Variants in CTNNA3 observed in about 807,000 individuals in gnomAD.
The protein encoded by CTNNA3 is catenin alpha 3, also known as catenin alpha-3.
In CTNNA3, 76 loss-of-function variants were observed where a neutral mutation model predicts 95.7. The ratio of observed to expected loss-of-function variants is 0.79; its 90% CI spans 0.66 to 0.96. The LOEUF is 0.96. Among genes scored for constraint, CTNNA3 ranks in the 40% least tolerant of loss-of-function variants. CTNNA3 has a pLI of 0.00. For synonymous variants in CTNNA3, 431 were observed against 374.4 expected, an observed-to-expected ratio of 1.15 and a Z score of -1.74; for missense variants, 1,191 against 1,089.8, an observed-to-expected ratio of 1.09 and a Z score of -1.31.
chr10:66,944,099 T>A lies in CTNNA3; in HGVS notation c.1048-168575A>T, dbSNP rs574821604. Among the ~76,000 whole-genome samples the A allele has an allele frequency of 2.0e-5, 3 of 152,334 alleles. No homozygotes were observed. In the East Asian group the frequency reaches 5.8e-4, roughly 29 times the overall value. On this transcript the variant is annotated intron_variant, in intron 7 of 17. Transcript: ENST00000433211. ...TTGACTCTTTCATGAAAGATTTCTC[T>A]ATAGCATATGGTGTTGATTGATAGC... is the stretch of plus-strand genomic sequence containing the variant.
intron 11 of CTNNA3, among the ~76,000 whole-genome samples, chr10:66,479,134 G>C (rs944833785): frequency 6.6e-6 from 1 of 151,688 alleles, no homozygotes; most frequent in Non-Finnish European, 1.5e-5. Context: ...ATCATTTATT[G>C]TAAAGCCTAC....
At chr10:66,817,216 G>C (rs1842122365) in intron 7 of CTNNA3, among the ~76,000 whole-genome samples, 2 of 151,432 alleles carry the variant, frequency 1.3e-5, no homozygotes, top group South Asian at 4.2e-4. Context: ...AAAATCTACT[G>C]AAATAAAATA....
At chr10:66,992,043 T>C (rs1426827756) in intron 7 of CTNNA3, among the ~76,000 whole-genome samples, 1 of 152,148 alleles carries the variant, frequency 6.6e-6, no homozygotes, top group Non-Finnish European at 1.5e-5. Context: ...TATGTCTCTT[T>C]GTGAACGTCA....
intron 7 of CTNNA3, among the ~76,000 whole-genome samples, chr10:67,127,261 C>A (rs1432174000): frequency 6.6e-6 from 1 of 152,118 alleles, no homozygotes; most frequent in Non-Finnish European, 1.5e-5. Flanking sequence ...GAGATACTGA[C>A]ATAGTCTGGA....
chr10:65,978,292 T>C (rs1418743335), intron 16 of CTNNA3, among the ~76,000 whole-genome samples: 2 of 152,194 alleles, frequency 1.3e-5, no homozygotes, highest in Middle Eastern at 3.2e-3. Flanking sequence ...TCATTATATA[T>C]GTTGCAGTTC....
chr10:66,065,843 G>GTTA (rs1276250704), intron 15 of CTNNA3, among the ~76,000 whole-genome samples: 1 of 151,672 alleles, frequency 6.6e-6, no homozygotes, highest in Non-Finnish European at 1.5e-5. Flanking sequence ...CACTTACCAA[G>GTTA]TTATTATTAT....
chr10:66,220,356 T>A (rs906911517), intron 13 of CTNNA3, among the ~76,000 whole-genome samples: 2 of 152,156 alleles, frequency 1.3e-5, no homozygotes, highest in African/African-American at 4.8e-5. Flanking sequence ...TTTCTCTGAC[T>A]TGTTTACTCA....
At chr10:67,726,746 T>TAATATATC (rs1564841452) in intron 1 of CTNNA3, among the ~76,000 whole-genome samples, 5 of 102,028 alleles carry the variant, frequency 4.9e-5, no homozygotes, top group Non-Finnish European at 8.7e-5. Context: ...ATATTATATA[T>TAATATATC]GATATATCAT....
chr10:66,843,876 AACC>A (rs1431925797), intron 7 of CTNNA3, among the ~76,000 whole-genome samples: 1 of 152,232 alleles, frequency 6.6e-6, no homozygotes, highest in East Asian at 1.9e-4. Flanking sequence ...TCAGAAACAG[AACC>A]TAAAATATTC....
At chr10:66,872,049 T>C (rs1362895719) in intron 7 of CTNNA3, among the ~76,000 whole-genome samples, 7 of 152,154 alleles carry the variant, frequency 4.6e-5, no homozygotes, top group Admixed American at 3.3e-4. Flanking sequence ...TATAGCCCAA[T>C]GAAAATAGGT....
chr10:65,997,574 T>C (rs887004904), intron 15 of CTNNA3, among the ~76,000 whole-genome samples: 1 of 152,042 alleles, frequency 6.6e-6, no homozygotes, highest in African/African-American at 2.4e-5. Flanking sequence ...AAGAAAGAAA[T>C]TGTCCTATAG....
chr10:67,336,677 T>G (rs1842007313), intron 5 of CTNNA3, among the ~76,000 whole-genome samples: 3 of 152,182 alleles, frequency 2.0e-5, no homozygotes, highest in Admixed American at 2.0e-4. Flanking sequence ...ACAGGTGGAC[T>G]CTCTTGCTGG....
intron 13 of CTNNA3, among the ~76,000 whole-genome samples, chr10:66,147,608 G>GTTTTTTTTTTT (rs34193216): frequency 1.8e-4 from 19 of 105,782 alleles, no homozygotes; most frequent in Non-Finnish European, 2.3e-4. Context: ...GTTGCTTTCA[G>GTTTTTTTTTTT]TTTTTTTTTT....
chr10:66,755,527 TTACA>T (rs1839330025), intron 9 of CTNNA3, among the ~76,000 whole-genome samples: 1 of 152,090 alleles, frequency 6.6e-6, no homozygotes, highest in Admixed American at 6.6e-5. Context: ...TGAGATAATA[TTACA>T]TACATATTAA....
intron 7 of CTNNA3, among the ~76,000 whole-genome samples, chr10:66,966,579 T>G (rs1273539528): frequency 6.6e-6 from 1 of 152,042 alleles, no homozygotes; most frequent in Non-Finnish European, 1.5e-5. Flanking sequence ...TAGCCAACTG[T>G]AGGTCAGTTT....
intron 1 of CTNNA3, among the ~76,000 whole-genome samples, chr10:67,692,073 G>A (rs1016146003): frequency 1.4e-5 from 2 of 146,296 alleles, no homozygotes; most frequent in African/African-American, 5.2e-5. Context: ...GAGGTGGGGG[G>A]GTCAGCCCCC....
intron 14 of CTNNA3, among the ~76,000 whole-genome samples, chr10:66,075,966 T>A (rs1207047865): frequency 6.6e-6 from 1 of 151,760 alleles, no homozygotes; most frequent in Admixed American, 6.6e-5. Context: ...ATTTTGTTAA[T>A]AAATAATCCA....
At chr10:67,599,075 A>G (rs773107436) in intron 3 of CTNNA3, among the ~76,000 whole-genome samples, 13 of 152,192 alleles carry the variant, frequency 8.5e-5, no homozygotes, top group Admixed American at 1.3e-4. Flanking sequence ...CAAACTGTCC[A>G]CTGAAACTCC....
intron 11 of CTNNA3, among the ~76,000 whole-genome samples, chr10:66,429,307 C>G (rs1414869560): frequency 2.0e-5 from 3 of 152,202 alleles, no homozygotes; most frequent in South Asian, 2.1e-4. Context: ...GATTCACAGC[C>G]GATTTCTACC....
Sources: allele counts gnomAD v4.1 joint callset (sites outside exome capture counted in the v4.1 genomes callset), GRCh38; gene constraint gnomAD v4.1.1; transcripts MANE v1.5; gene names NCBI Gene and HGNC (gene_info 2026-07-23, HGNC 2026-07-21).